The following RTEL1 variants were observed in gnomAD, a reference collection of about 807,000 sequenced individuals.
The protein encoded by RTEL1 is regulator of telomere elongation helicase 1, also known as regulator of telomere length.
A neutral mutation model predicts 162.2 loss-of-function variants in RTEL1; 86 were observed. The observed-to-expected ratio is 0.53, with a 90% CI of 0.45 to 0.63. RTEL1 has a LOEUF of 0.63. Ranked by LOEUF, RTEL1 falls within the 30% of genes least tolerant of loss-of-function variation. The probability of loss-of-function intolerance (pLI) is 0.00; values close to 1 mark genes in which losing one functional copy is unlikely to be tolerated. For synonymous variants in RTEL1, 958 were observed against 717.9 expected (o/e 1.33, Z -5.35); for missense variants, 1,941 against 1,750.2 (o/e 1.11, Z -1.95).
rs188093231 is a variant in RTEL1 at position 63,667,099 on chromosome 20, A to G, written c.615-370A>G. 5.9e-3 allele frequency among the ~76,000 whole-genome samples: 905 copies of G among 152,172 alleles called. 4 individuals are homozygous for G. The highest frequency in any genetic ancestry group is 0.01 in the Non-Finnish European group (691 of 68,000). On this transcript the variant is annotated intron_variant, in intron 7 of 34. Transcript: ENST00000360203. ...TGTGATCCGCCCACCTCGGCCTCCC[A>G]AAGTGCTGGGATTACAGGAGTGAGC...
chr20:63,663,016 C>A, intron 6 of RTEL1, 127 bp downstream of exon 6: 1 of 892,118 alleles, frequency 1.1e-6, no homozygotes, highest in Non-Finnish European at 1.9e-6. Flanking sequence ...TGTACCTGGG[C>A]CCTGTCTTCT....
intron 6 of RTEL1, among the ~76,000 whole-genome samples, chr20:63,663,187 T>C (rs1192516788): frequency 6.6e-6 from 1 of 152,232 alleles, no homozygotes; most frequent in Non-Finnish European, 1.5e-5. Context: ...CCTAACCTGC[T>C]GGTGCAAACA....
chr20:63,662,693 C>T, intron 5 of RTEL1, 66 bp downstream of exon 5: 1 of 1,606,442 alleles, frequency 6.2e-7, no homozygotes, highest in Admixed American at 1.7e-5. Flanking sequence ...TGTCCAGAGC[C>T]CCAGGCTGCG....
chr20:63,663,575 G>A (rs1024981416), intron 6 of RTEL1, among the ~76,000 whole-genome samples: 4 of 152,216 alleles, frequency 2.6e-5, no homozygotes, highest in Non-Finnish European at 4.4e-5. Flanking sequence ...GGGCTTCTGG[G>A]GCTCATCACG....
chr20:63,690,245 G>C, intron 25 of RTEL1, 35 bp downstream of exon 25: 3 of 1,604,174 alleles, frequency 1.9e-6, no homozygotes, highest in Non-Finnish European at 2.6e-6. Context: ...TGAGGGTGTT[G>C]TCCCCAGAGG....
At chr20:63,663,326 G>A (rs959673200) in intron 6 of RTEL1, among the ~76,000 whole-genome samples, 3 of 152,350 alleles carry the variant, frequency 2.0e-5, no homozygotes, top group Admixed American at 6.5e-5. Flanking sequence ...GGCCTCCCGC[G>A]ACCCTGCCCC....
At chr20:63,670,773 A>G (rs1272360711) in intron 8 of RTEL1, among the ~76,000 whole-genome samples, 1 of 151,614 alleles carries the variant, frequency 6.6e-6, no homozygotes, top group African/African-American at 2.4e-5. Flanking sequence ...GCTTAAGCCC[A>G]GGAGTTTGAG....
At chr20:63,682,503 A>G in intron 14 of RTEL1, 1 of 985,750 alleles carries the variant, frequency 1.0e-6, no homozygotes, top group Non-Finnish European at 1.2e-6. Flanking sequence ...CACACTCTGG[A>G]ACCGAATCCT....
At chr20:63,692,350 G>A (rs2090768228) in intron 28 of RTEL1, 3 of 231,866 alleles carry the variant, frequency 1.3e-5, no homozygotes, top group East Asian at 1.1e-4. Context: ...TGGGTGGGGA[G>A]TGCCTGGGCC....
chr20:63,682,385 G>T (rs192214906), intron 14 of RTEL1: 1 of 985,142 alleles, frequency 1.0e-6, no homozygotes, highest in East Asian at 1.1e-4. Context: ...CTCTGGAACC[G>T]GATCCTGGAA....
chr20:63,690,835 G>T lies in RTEL1; in HGVS notation c.2444G>T (p.Ser815Ile), dbSNP rs150461578. The T allele has an allele frequency of 1.7e-3, 2,748 of 1,605,996 alleles. 9 individuals are homozygous for T. Among genetic ancestry groups the T allele is most frequent in the Non-Finnish European group, 1.8e-3 (2,095 of 1,177,970 alleles). ...GSPAAGDPESSLCVEYEQEPV... is the reference protein window; with the variant it reads ...GSPAAGDPESILCVEYEQEPV... ...CCAGCTGCCGGGGACCCCGAGAGTA[G>T]CCTGTGTGTGGAGTATGAGCAGGAG... Residue 815 changes from serine to isoleucine, a missense_variant, in exon 27 of 35, where the codon AGC becomes ATC. Transcript: ENST00000360203.
intron 28 of RTEL1, 175 bp from the exon 29 acceptor site, chr20:63,692,630 C>G (rs1220036588): frequency 1.4e-5 from 9 of 638,760 alleles, no homozygotes; most frequent in Non-Finnish European, 2.4e-5. Context: ...AGCCCCACAG[C>G]TTTCTTCCCG....
intron 13 of RTEL1, among the ~76,000 whole-genome samples, 184 bp from the exon 14 acceptor site, chr20:63,680,480 G>A (rs1482449629): frequency 6.6e-6 from 1 of 152,228 alleles, no homozygotes; most frequent in Non-Finnish European, 1.5e-5. Flanking sequence ...TTCTCTCCTG[G>A]CTGCTGGGAA....
At chr20:63,666,326 T>C (rs2090126351) in intron 7 of RTEL1, among the ~76,000 whole-genome samples, 1 of 152,254 alleles carries the variant, frequency 6.6e-6, no homozygotes, top group Non-Finnish European at 1.5e-5. Context: ...CCTGCAGGCC[T>C]GTGTCTGTGC....
intron 6 of RTEL1, among the ~76,000 whole-genome samples, chr20:63,664,101 C>T (rs763996868): frequency 6.6e-6 from 1 of 152,196 alleles, no homozygotes; most frequent in Non-Finnish European, 1.5e-5. Flanking sequence ...GTTGTCCAGG[C>T]CTTTTTGTTG....
chr20:63,693,308 C>G (rs373658720), intron 30 of RTEL1, 25 bp downstream of exon 30: 9 of 1,610,306 alleles, frequency 5.6e-6, no homozygotes, highest in African/African-American at 5.3e-5. Context: ...AGGTGGGACC[C>G]TCAGACTCCT....
chr20:63,696,155 C>T lies in RTEL1; in HGVS notation c.*297C>T. ...GTGCCACAGGGGCACCCCAGCTGAG[C>T]CCCTCACCGGGAAGGAGGAGACCCC... is the stretch of plus-strand genomic sequence containing the variant. On this transcript the variant is annotated 3_prime_UTR_variant, in exon 35 of 35. Transcript: ENST00000360203. 2.0e-6 allele frequency: 1 copy of T among 490,106 alleles called. No individual in the cohort carries two copies. The highest frequency in any genetic ancestry group is 3.3e-5 in the East Asian group (1 of 30,152). 30.4% of individuals were successfully genotyped at this position (490,106 alleles called of 1,614,324 possible). A position where few individuals can be genotyped will look rare whatever the true frequency, so the allele number is the denominator to read the frequency against.
rs760334294 is a variant in RTEL1, at chr20:63,693,140, C to T, written c.2852-3C>T. 2 of 1,612,234 alleles carry T rather than the reference C, an allele frequency of 1.2e-6. No homozygotes were observed. The highest frequency in any genetic ancestry group is 1.1e-5 in the South Asian group (1 of 91,092). On this transcript the variant is annotated splice_polypyrimidine_tract_variant and splice_region_variant and intron_variant, in intron 29 of 34. Coordinates refer to ENST00000360203, the MANE Select transcript of RTEL1 (RefSeq NM_001283009.2). ...ATGGGGACAGACGCCCCTTCCTCTA[C>T]AGGCTTCTACCAGTTTGTGCGGCCC...
At chr20:63,667,602 C>T (rs1462513947) in intron 8 of RTEL1, 49 bp downstream of exon 8, 2 of 1,485,530 alleles carry the variant, frequency 1.3e-6, no homozygotes, top group Non-Finnish European at 1.9e-6. Flanking sequence ...CAGGGGTGTC[C>T]CTGGGCTTGG....
Sources: allele counts gnomAD v4.1 joint callset (sites outside exome capture counted in the v4.1 genomes callset), GRCh38; gene constraint gnomAD v4.1.1; transcripts MANE v1.5; gene names NCBI Gene and HGNC (gene_info 2026-07-23, HGNC 2026-07-21).